CAP2: variants seen among roughly 807,000 people sequenced by gnomAD.
CAP2 encodes adenylyl cyclase-associated protein 2.
CAP2 carries 24 observed loss-of-function variants against 57.7 expected under a neutral mutation model. The ratio of observed to expected loss-of-function variants is 0.42; its 90% CI spans 0.30 to 0.58. CAP2 has a LOEUF of 0.58. CAP2 is among the 20% of genes least tolerant of loss of function. CAP2 has a pLI of 0.22. For synonymous variants in CAP2, 194 were observed against 207.2 expected, an observed-to-expected ratio of 0.94 and a Z score of 0.55; for missense variants, 501 against 590.3, an observed-to-expected ratio of 0.85 and a Z score of 1.57.
Position 17,471,458 on chromosome 6 carries a change from A to G in CAP2, c.300+8385A>G, listed in dbSNP as rs1376684480. On this transcript the variant is annotated intron_variant, in intron 4 of 12. Coordinates refer to ENST00000229922, the MANE Select transcript of CAP2 (RefSeq NM_006366.3). ...AGTAACTACTGTTAATTATATGTGCACAGCAAGGATTTTTAATGGGTTTTT... is the reference window on the plus strand; with the variant it reads ...AGTAACTACTGTTAATTATATGTGCGCAGCAAGGATTTTTAATGGGTTTTT... 3.3e-5 allele frequency among the ~76,000 whole-genome samples: 5 copies of G among 152,250 alleles called. No individual in the cohort carries two copies. The East Asian group carries it at 7.7e-4, about 23-fold the overall frequency.
At chr6:17,427,618 A>AG (rs1338461053) in intron 3 of CAP2, among the ~76,000 whole-genome samples, 3 of 152,084 alleles carry the variant, frequency 2.0e-5, no homozygotes, top group Non-Finnish European at 1.5e-5. Context: ...CAAAAAAAAA[A>AG]AAAAATGGAA....
At chr6:17,412,282 G>A (rs1410327083) in intron 1 of CAP2, among the ~76,000 whole-genome samples, 5 of 152,162 alleles carry the variant, frequency 3.3e-5, no homozygotes, top group Non-Finnish European at 5.9e-5. Flanking sequence ...CCTTGAGGAC[G>A]CAGTCTGTGT....
chr6:17,426,864 G>A (rs1320000704), intron 3 of CAP2, among the ~76,000 whole-genome samples, 174 bp downstream of exon 3: 3 of 152,172 alleles, frequency 2.0e-5, no homozygotes, highest in Non-Finnish European at 4.4e-5. Context: ...GTTCCTGCAA[G>A]GCCTATGGAT....
At chr6:17,424,550 C>T (rs1014223093) in intron 2 of CAP2, among the ~76,000 whole-genome samples, 1 of 152,108 alleles carries the variant, frequency 6.6e-6, no homozygotes, top group East Asian at 1.9e-4. Flanking sequence ...ACTTAAGTTG[C>T]GCTCAACAGT....
intron 11 of CAP2, among the ~76,000 whole-genome samples, chr6:17,545,349 A>G (rs528637140): frequency 6.6e-6 from 1 of 152,228 alleles, no homozygotes; most frequent in Non-Finnish European, 1.5e-5. Context: ...TAATGTAAAT[A>G]CATCACATCT....
chr6:17,437,410 A>G (rs1759923342), intron 3 of CAP2, among the ~76,000 whole-genome samples: 1 of 152,146 alleles, frequency 6.6e-6, no homozygotes, highest in South Asian at 2.1e-4. Flanking sequence ...CCATGGGGAT[A>G]TGCCTGTTAT....
chr6:17,528,964 C>T (rs9477470), intron 7 of CAP2, among the ~76,000 whole-genome samples: 8,201 of 152,120 alleles, frequency 0.054, 268 homozygotes, highest in Middle Eastern at 0.095. Flanking sequence ...GCCTGTAATC[C>T]CAGCACTTTG....
chr6:17,435,717 T>TAAAAA (rs1187314233), intron 3 of CAP2, among the ~76,000 whole-genome samples: 2 of 77,850 alleles, frequency 2.6e-5, no homozygotes, highest in African/African-American at 9.4e-5. Context: ...AGTTTACGGA[T>TAAAAA]AAAAAAAAAA....
chr6:17,555,927 G>C (rs183248620), intron 12 of CAP2, among the ~76,000 whole-genome samples: 18 of 152,252 alleles, frequency 1.2e-4, no homozygotes, highest in African/African-American at 3.4e-4. Flanking sequence ...TTAGTGGAGA[G>C]TAGTAGGTAA....
rs568516471 is a variant in CAP2 at position 17,494,419 on chromosome 6, C to A, written c.301-12750C>A. Among the ~76,000 whole-genome samples the A allele has an allele frequency of 5.3e-5, 8 of 152,250 alleles. No individual in the cohort carries two copies. The East Asian group carries it at 1.4e-3, about 26-fold the overall frequency. The stretch of plus-strand genomic sequence containing the variant: ...TGGAGGCACATTCCTACCTCATGAT[C>A]TTTGTAGTGGCCGTTTCCTCTCTCT... On this transcript the variant is annotated intron_variant, in intron 4 of 12. Transcript: ENST00000229922.
intron 4 of CAP2, among the ~76,000 whole-genome samples, chr6:17,480,320 A>G (rs1483189608): frequency 2.0e-5 from 3 of 152,186 alleles, no homozygotes; most frequent in Non-Finnish European, 4.4e-5. Flanking sequence ...TAATGTGACT[A>G]TGCAAGGGCC....
intron 4 of CAP2, among the ~76,000 whole-genome samples, chr6:17,467,897 TATTC>T (rs1283632797): frequency 6.6e-6 from 1 of 152,148 alleles, no homozygotes; most frequent in Non-Finnish European, 1.5e-5. Flanking sequence ...TAGTAGGCCT[TATTC>T]ATTCTTTCTA....
intron 1 of CAP2, among the ~76,000 whole-genome samples, chr6:17,405,298 T>C (rs6925629): frequency 0.41 from 62,484 of 151,824 alleles, 16,049 homozygotes; most frequent in African/African-American, 0.74. Context: ...AGGAGAATCG[T>C]GTGAACCCAG....
At chr6:17,397,644 G>A (rs1269681360) in intron 1 of CAP2, among the ~76,000 whole-genome samples, 9 of 138,792 alleles carry the variant, frequency 6.5e-5, no homozygotes, top group African/African-American at 2.5e-4. Context: ...GCAGTGAGCC[G>A]AGATCGCGCC....
At chr6:17,427,118 C>A in intron 3 of CAP2, among the ~76,000 whole-genome samples, 1 of 152,126 alleles carries the variant, frequency 6.6e-6, no homozygotes, top group Non-Finnish European at 1.5e-5. Context: ...GAGCAGAGAT[C>A]TGATGGAGAG....
intron 4 of CAP2, among the ~76,000 whole-genome samples, chr6:17,480,531 C>G (rs1349137959): frequency 6.6e-6 from 1 of 152,000 alleles, no homozygotes; most frequent in Non-Finnish European, 1.5e-5. Context: ...TGTTGGGGGG[C>G]CCTAGGTAGC....
chr6:17,546,055 C>T (rs1400943319), intron 11 of CAP2, among the ~76,000 whole-genome samples: 2 of 152,172 alleles, frequency 1.3e-5, no homozygotes, highest in Non-Finnish European at 2.9e-5. Context: ...TGGGTATATA[C>T]CCAGTAATGG....
rs76355507 is a variant in CAP2, at chr6:17,518,623, AT to A, written c.636+4679del. 6.9e-4 allele frequency among the ~76,000 whole-genome samples: 104 copies of A among 150,650 alleles called. 3 individuals are homozygous for A. In the South Asian group the frequency reaches 0.02, roughly 30 times the overall value. On this transcript the variant is annotated intron_variant, in intron 7 of 12. Coordinates refer to ENST00000229922, the MANE Select transcript of CAP2 (RefSeq NM_006366.3). ...TTTGTGGACACCACAGTATTCAGAG[AT>A]TTTTTTTTTAATTTAATTTTTTTGT...
intron 4 of CAP2, among the ~76,000 whole-genome samples, chr6:17,463,479 G>C (rs567273174): frequency 6.4e-4 from 98 of 152,206 alleles, no homozygotes; most frequent in African/African-American, 2.3e-3. Context: ...TTTTAGCTCA[G>C]ATTTTGAGCT....
Sources: allele counts gnomAD v4.1 joint callset (sites outside exome capture counted in the v4.1 genomes callset), GRCh38; gene constraint gnomAD v4.1.1; transcripts MANE v1.5; gene names NCBI Gene and HGNC (gene_info 2026-07-23, HGNC 2026-07-21).